USP40: variants seen among roughly 807,000 people sequenced by gnomAD.
USP40 encodes ubiquitin carboxyl-terminal hydrolase 40.
A neutral mutation model predicts 166.2 loss-of-function variants in USP40; 143 were observed. The ratio of observed to expected loss-of-function variants is 0.86; its 90% confidence interval spans 0.75 to 0.99. The LOEUF (loss-of-function observed/expected upper bound fraction) is 0.99. Among genes scored for constraint, USP40 ranks in the 50% least tolerant of loss-of-function variants. The probability of loss-of-function intolerance (pLI) is 0.00; values close to 1 mark genes in which losing one functional copy is unlikely to be tolerated. For synonymous variants in USP40, 498 were observed against 524.0 expected, an observed-to-expected ratio of 0.95 and a Z score of 0.68; for missense variants, 1,444 against 1,479.7, an observed-to-expected ratio of 0.98 and a Z score of 0.40.
chr2:233,537,437 AG>A (rs2069018269), intron 10 of USP40, among the ~76,000 whole-genome samples: 1 of 152,214 alleles, frequency 6.6e-6, no homozygotes, highest in African/African-American at 2.4e-5. Flanking sequence ...ATTTTAAAAA[AG>A]ACTTTGGACC....
intron 15 of USP40, among the ~76,000 whole-genome samples, chr2:233,523,859 T>C (rs1170892809): frequency 6.6e-6 from 1 of 151,986 alleles, no homozygotes; most frequent in African/African-American, 2.4e-5. Context: ...TCAGTATAGA[T>C]TCTCACTCTT....
At chr2:233,563,697 C>T (rs2071867652) in intron 2 of USP40, among the ~76,000 whole-genome samples, 1 of 152,084 alleles carries the variant, frequency 6.6e-6, no homozygotes, top group Admixed American at 6.5e-5. Flanking sequence ...CCAAAATTTC[C>T]CCCGCCAGTT....
chr2:233,520,820 T>C (rs1045597553), intron 17 of USP40, among the ~76,000 whole-genome samples, 171 bp downstream of exon 17: 1 of 152,174 alleles, frequency 6.6e-6, no homozygotes, highest in Non-Finnish European at 1.5e-5. Context: ...TGAAATATGC[T>C]AAGGGCTAAC....
Position 233,489,501 on chromosome 2 carries a change from C to T in USP40, c.3013-18G>A. The T allele has an allele frequency of 1.3e-6, 2 of 1,564,380 alleles. No homozygotes were observed. The highest frequency in any genetic ancestry group is 1.7e-6 in the Non-Finnish European group (2 of 1,152,970). On this transcript the variant is annotated intron_variant, in intron 26 of 31. Transcript: ENST00000678225. ...GTCATGGCCTAGAAAAAGAAACAGACATTTCTCCAACGGTTTTAAAAAGCA... is the reference window on the plus strand; with the variant it reads ...GTCATGGCCTAGAAAAAGAAACAGATATTTCTCCAACGGTTTTAAAAAGCA...
At chr2:233,538,522 C>A (rs1268695411) in intron 10 of USP40, among the ~76,000 whole-genome samples, 1 of 152,134 alleles carries the variant, frequency 6.6e-6, no homozygotes, top group Admixed American at 6.5e-5. Context: ...AGTCACTAAA[C>A]GGATAATAAG....
chr2:233,554,382 T>C lies in USP40; in HGVS notation c.691A>G (p.Lys231Glu). ...GTCDRLVKAA[K>E]SAKLRKLPPF... is the part of the protein sequence containing the mutation. ...AAAAAGCAGTTATCTGTCTTTACCT[T>C]TGCTGCTTTAACCAGCCTGTCACAA... The change falls in exon 6 of 32, where the codon AAG (lysine) becomes GAG (glutamate). Residue 231 changes from lysine (K) to glutamate (E), a missense_variant and splice_region_variant. Transcript: ENST00000678225. The C allele has an allele frequency of 3.1e-6, 5 of 1,609,634 alleles. No homozygotes were observed. The highest frequency in any genetic ancestry group is 2.2e-5 in the East Asian group (1 of 44,590).
intron 15 of USP40, 124 bp downstream of exon 15, chr2:233,524,368 G>A (rs957641344): frequency 8.9e-6 from 6 of 673,344 alleles, no homozygotes; most frequent in Non-Finnish European, 9.4e-6. Context: ...GACCTCAGGT[G>A]ATCTGCCTGC....
intron 3 of USP40, among the ~76,000 whole-genome samples, chr2:233,560,149 TCAGA>T (rs773779458): frequency 1.2e-4 from 18 of 152,232 alleles, no homozygotes; most frequent in Non-Finnish European, 1.6e-4. Context: ...TTGATATGGT[TCAGA>T]CAAACATTAA....
chr2:233,483,784 G>T (rs890504991), intron 30 of USP40, among the ~76,000 whole-genome samples: 2 of 152,210 alleles, frequency 1.3e-5, no homozygotes, highest in Non-Finnish European at 2.9e-5. Context: ...CCTGAAATCT[G>T]AGACAGTTCT....
chr2:233,513,856 G>C (rs1438795677), intron 18 of USP40, among the ~76,000 whole-genome samples: 1 of 152,146 alleles, frequency 6.6e-6, no homozygotes, highest in Non-Finnish European at 1.5e-5. Flanking sequence ...ATAAATTGGA[G>C]GGGTGGGGGA....
At chr2:233,478,790 C>T (rs79736177) in intron 31 of USP40, among the ~76,000 whole-genome samples, 4,058 of 152,134 alleles carry the variant, frequency 0.027, 131 homozygotes, top group African/African-American at 0.069. Context: ...ATGAAAACAG[C>T]AAGGTTACCA....
chr2:233,523,042 A>T, intron 16 of USP40, 128 bp downstream of exon 16: 1 of 1,075,630 alleles, frequency 9.3e-7, no homozygotes, highest in Non-Finnish European at 1.3e-6. Flanking sequence ...TGCAATATTT[A>T]GAACATAATG....
In USP40 at chr2:233,493,285, T is replaced by C; in HGVS notation, c.2917+140A>G. 2.5e-6 allele frequency: 3 copies of C among 1,196,066 alleles called. No individual in the cohort carries two copies. The highest frequency in any genetic ancestry group is 3.6e-6 in the Non-Finnish European group (3 of 842,854). 74.1% of individuals were successfully genotyped at this position (1,196,066 alleles called of 1,614,324 possible). A position where few individuals can be genotyped will look rare whatever the true frequency, so the allele number is the denominator to read the frequency against. On this transcript the variant is annotated intron_variant, in intron 25 of 31. Transcript: ENST00000678225. The surrounding 1 kb of genome is among the most constrained non-coding windows in gnomAD (Gnocchi z 4.7). ...TGTTATTATTATGTGATGTCTGGAA[T>C]GACTTATGAAATTAATAGGTCTTGA...
At chr2:233,557,314 G>C (rs921095713) in intron 4 of USP40, among the ~76,000 whole-genome samples, 4 of 152,224 alleles carry the variant, frequency 2.6e-5, no homozygotes, top group African/African-American at 9.6e-5. Context: ...CCATGCCACA[G>C]AAAGCAGAGA....
At chr2:233,482,529 C>T (rs2064682386) in intron 30 of USP40, among the ~76,000 whole-genome samples, 2 of 151,894 alleles carry the variant, frequency 1.3e-5, no homozygotes, top group Admixed American at 1.3e-4. Flanking sequence ...GTGTACTAAA[C>T]TAACACCAAA....
Position 233,554,491 on chromosome 2 carries a change from A to G in USP40, c.582T>C (p.Asn194=), listed in dbSNP as rs770839735. The G allele has an allele frequency of 3.1e-6, 5 of 1,611,872 alleles. No individual in the cohort carries two copies. The highest frequency in any genetic ancestry group is 4.2e-6 in the Non-Finnish European group (5 of 1,179,212). The stretch of plus-strand genomic sequence containing the variant: ...AGAGAGCATCTTCCAAACCGGATAC[A>G]TTTTTGACTGCTACTGTTAGATCTA... ...DFLDLTVAVK[N]VSGLEDALWN... Residue 194 remains asparagine (N), a synonymous_variant, in exon 6 of 32, where the codon AAT becomes AAC. Transcript: ENST00000678225.
At chr2:233,500,102 G>A (rs1204955485) in intron 21 of USP40, among the ~76,000 whole-genome samples, 187 bp from the exon 22 acceptor site, 1 of 152,140 alleles carries the variant, frequency 6.6e-6, no homozygotes, top group Non-Finnish European at 1.5e-5. Context: ...GCTAGATGGG[G>A]CCAATTCAGG....
intron 8 of USP40, among the ~76,000 whole-genome samples, chr2:233,547,733 A>C (rs2070114767): frequency 1.3e-5 from 2 of 152,222 alleles, no homozygotes; most frequent in South Asian, 4.1e-4. Flanking sequence ...AAAACTTTTT[A>C]ATAAGACATT....
At chr2:233,547,387 A>G (rs1308440974) in intron 8 of USP40, among the ~76,000 whole-genome samples, 1 of 152,178 alleles carries the variant, frequency 6.6e-6, no homozygotes, top group African/African-American at 2.4e-5. Context: ...CGTTCCAAAT[A>G]CAACTGATAG....
Sources: gnomAD v4.1 joint callset for allele counts (sites outside exome capture counted in the v4.1 genomes callset) on GRCh38, gnomAD v4.1.1 for gene constraint, Gnocchi (gnomAD v3.1) non-coding constraint, MANE v1.5 for transcripts, NCBI Gene and HGNC (gene_info 2026-07-23, HGNC 2026-07-21) for gene names.